Variants in ERGIC2 observed in about 807,000 individuals in gnomAD.
ERGIC2 encodes endoplasmic reticulum-Golgi intermediate compartment protein 2.
In ERGIC2, 31 loss-of-function variants were observed where a neutral mutation model predicts 52.5. The ratio of observed to expected loss-of-function variants is 0.59; its 90% CI spans 0.44 to 0.80. The LOEUF is 0.80. ERGIC2 is among the 30% of genes least tolerant of loss of function. The pLI is 0.00. For missense variants in ERGIC2, 395 were observed against 455.2 expected (o/e 0.87, Z 1.20); for synonymous variants, 129 against 140.6 (o/e 0.92, Z 0.58).
intron 1 of ERGIC2, among the ~76,000 whole-genome samples, chr12:29,379,766 G>A (rs1940561083): frequency 6.6e-6 from 1 of 152,046 alleles, no homozygotes; most frequent in South Asian, 2.1e-4. Flanking sequence ...ATGACATTAA[G>A]AGGCAGAATT....
intron 13 of ERGIC2, among the ~76,000 whole-genome samples, chr12:29,341,496 A>C (rs75225863): frequency 0.032 from 4,822 of 152,102 alleles, 102 homozygotes; most frequent in South Asian, 0.071. Context: ...GTGCCCTCCC[A>C]AGTAGCTGGG....
At chr12:29,346,503 AG>A (rs916957679) in intron 10 of ERGIC2, among the ~76,000 whole-genome samples, 1 of 152,170 alleles carries the variant, frequency 6.6e-6, no homozygotes, top group Non-Finnish European at 1.5e-5. Flanking sequence ...ATTTCTTTAT[AG>A]TACAGAAACT....
chr12:29,370,356 A>G (rs1940424490), intron 2 of ERGIC2, 134 bp from the exon 3 acceptor site: 1 of 995,596 alleles, frequency 1.0e-6, no homozygotes, highest in Non-Finnish European at 1.4e-6. Flanking sequence ...AATGCATACT[A>G]TAGAAGGTTT....
chr12:29,371,020 A>G (rs1313106113), intron 2 of ERGIC2, among the ~76,000 whole-genome samples: 3 of 152,152 alleles, frequency 2.0e-5, no homozygotes, highest in Non-Finnish European at 2.9e-5. Flanking sequence ...TTATTTTACT[A>G]CCTTTTCATA....
intron 9 of ERGIC2, 65 bp from the exon 10 acceptor site, chr12:29,349,242 G>A: frequency 1.4e-6 from 1 of 723,940 alleles, no homozygotes; most frequent in Non-Finnish European, 2.3e-6. Context: ...ACTTGGTACA[G>A]ACTGGTTTAC....
chr12:29,359,690 TG>T (rs1940256668), intron 6 of ERGIC2, among the ~76,000 whole-genome samples: 1 of 152,022 alleles, frequency 6.6e-6, no homozygotes, highest in Non-Finnish European at 1.5e-5. Context: ...TCAGTGCTTT[TG>T]TTCACCCACA....
In ERGIC2 at chr12:29,359,564, A is replaced by G. The variant is rs188091627; in HGVS notation, c.375-1840T>C. 5.8e-3 allele frequency among the ~76,000 whole-genome samples: 877 copies of G among 152,184 alleles called. 6 individuals carry two copies. The highest frequency in any genetic ancestry group is 7.8e-3 in the Non-Finnish European group (532 of 67,970). On this transcript the variant is annotated intron_variant, in intron 6 of 13. Coordinates refer to ENST00000360150, the MANE Select transcript of ERGIC2 (RefSeq NM_016570.3). ...ACTTATTACTAGTTTCGAGCATTGA[A>G]AAAAATTCTAAATGAAAGGAGAAAT... is the stretch of plus-strand genomic sequence containing the variant.
At chr12:29,360,986 C>T (rs1940277049) in intron 6 of ERGIC2, among the ~76,000 whole-genome samples, 1 of 152,146 alleles carries the variant, frequency 6.6e-6, no homozygotes, top group Admixed American at 6.5e-5. Flanking sequence ...GTGGCTCATG[C>T]CTGTAATCCC....
chr12:29,351,368 TCCACTTTAGGATGTACTG>T, intron 8 of ERGIC2, among the ~76,000 whole-genome samples: 1 of 152,300 alleles, frequency 6.6e-6, no homozygotes, highest in South Asian at 2.1e-4. Flanking sequence ...TATACCAGAT[TCCACTTTAGGATGTACTG>T]AATTTGTGTT....
chr12:29,371,778 A>C, intron 1 of ERGIC2, 108 bp from the exon 2 acceptor site: 169 of 564,348 alleles, frequency 3.0e-4, no homozygotes, highest in East Asian at 3.9e-4. Context: ...TAACATTCTC[A>C]TCCCCCCTTA....
At chr12:29,351,494 T>C (rs1452295195) in intron 8 of ERGIC2, among the ~76,000 whole-genome samples, 1 of 152,198 alleles carries the variant, frequency 6.6e-6, no homozygotes, top group Non-Finnish European at 1.5e-5. Context: ...TCAGCATTGA[T>C]TCCTCAAATA....
At chr12:29,347,770 T>C (rs1833490685) in intron 10 of ERGIC2, among the ~76,000 whole-genome samples, 1 of 152,110 alleles carries the variant, frequency 6.6e-6, no homozygotes, top group African/African-American at 2.4e-5. Context: ...AAAACATATA[T>C]TACGAAGGAG....
chr12:29,362,884 A>G (rs1006881936), intron 5 of ERGIC2, among the ~76,000 whole-genome samples: 1 of 152,206 alleles, frequency 6.6e-6, no homozygotes, highest in Non-Finnish European at 1.5e-5. Context: ...ACAGCAAACC[A>G]ATAAGGCTGT....
rs1292778897 is a variant in ERGIC2, at chr12:29,341,804, C to A, written c.1001G>T (p.Gly334Val). 2 of 1,555,668 alleles carry A rather than the reference C, an allele frequency of 1.3e-6. No individual in the cohort carries two copies. ...TATTTCAACTATAAATTTTCCAATT[C>A]CATGTAACATGCCTGTAATAAACAA... Reference protein sequence around the residue: ...GIFSTTGMLHGIGKFIVEIIC... With the variant: ...GIFSTTGMLHVIGKFIVEIIC... The change falls in exon 13 of 14, where the codon GGA (glycine) becomes GTA (valine). Residue 334 changes from glycine to valine, a missense_variant. Transcript: ENST00000360150.
At position 29,338,046 on chromosome 12, in the gene ERGIC2, C is replaced by T. The variant is rs1367677027; in HGVS notation, c.*3110G>A. 1.3e-5 allele frequency: 2 copies of T among 152,026 alleles called. No individual in the cohort carries two copies. The highest frequency in any genetic ancestry group is 6.6e-5 in the Admixed American group (1 of 15,242). 9.4% of individuals were successfully genotyped at this position (152,026 alleles called of 1,614,324 possible). ...AAAATTAGCTGGGCTTGGTGGTACGCACCTGTAGTCCCAGCTACTCAACAG... is the reference window on the plus strand; with the variant it reads ...AAAATTAGCTGGGCTTGGTGGTACGTACCTGTAGTCCCAGCTACTCAACAG... On this transcript the variant is annotated 3_prime_UTR_variant, in exon 14 of 14. Coordinates refer to ENST00000360150, the MANE Select transcript of ERGIC2 (RefSeq NM_016570.3).
chr12:29,347,265 T>A (rs1940065909), intron 10 of ERGIC2, among the ~76,000 whole-genome samples: 1 of 152,186 alleles, frequency 6.6e-6, no homozygotes, highest in Non-Finnish European at 1.5e-5. Flanking sequence ...ATAACCACCT[T>A]CTACCATTAG....
chr12:29,366,988 T>C (rs1940372804), intron 4 of ERGIC2, 41 bp from the exon 5 acceptor site: 2 of 1,319,344 alleles, frequency 1.5e-6, no homozygotes, highest in Non-Finnish European at 2.1e-6. Context: ...ATTCTATGCT[T>C]GGAGGCAAAC....
rs1389449530 is a variant in ERGIC2, at chr12:29,361,631, T to C, written c.374+14A>G. Reference sequence around the variant, plus strand: ...TAGATTTCTATGGACCACAATACTTTGTTCTCTTATTACCTCTGCCACTCT... The same window carrying C: ...TAGATTTCTATGGACCACAATACTTCGTTCTCTTATTACCTCTGCCACTCT... On this transcript the variant is annotated intron_variant, in intron 6 of 13. Transcript: ENST00000360150. 1.3e-6 allele frequency: 2 copies of C among 1,595,002 alleles called. No individual in the cohort carries two copies. Among genetic ancestry groups the C allele is most frequent in the South Asian group, 1.1e-5 (1 of 87,588 alleles).
At chr12:29,379,754 C>G (rs1940560834) in intron 1 of ERGIC2, among the ~76,000 whole-genome samples, 1 of 151,846 alleles carries the variant, frequency 6.6e-6, no homozygotes, top group Non-Finnish European at 1.5e-5. Context: ...AATTTGACCA[C>G]TATGACATTA....
Sources: gnomAD v4.1 joint callset for allele counts (sites outside exome capture counted in the v4.1 genomes callset) on GRCh38, gnomAD v4.1.1 for gene constraint, MANE v1.5 for transcripts, NCBI Gene and HGNC (gene_info 2026-07-23, HGNC 2026-07-21) for gene names.